The following CLVS1 variants were observed in gnomAD, a reference collection of about 807,000 sequenced individuals.
The protein encoded by CLVS1 is clavesin 1, also known as clavesin-1.
A neutral mutation model predicts 33.1 loss-of-function variants in CLVS1; 10 were observed. That is an observed-to-expected ratio of 0.30 (90% CI 0.19 to 0.51). The LOEUF is 0.51. CLVS1 is among the 20% of genes least tolerant of loss of function. The pLI is 0.97. For synonymous variants in CLVS1, 163 were observed against 166.1 expected (o/e 0.98, Z 0.14); for missense variants, 343 against 433.4 (o/e 0.79, Z 1.85).
chr8:61,443,378 T>G (rs889995120), intron 3 of CLVS1, among the ~76,000 whole-genome samples: 1 of 152,232 alleles, frequency 6.6e-6, no homozygotes, highest in African/African-American at 2.4e-5. Context: ...TTATTGCATT[T>G]AAATTCATGA....
intron 3 of CLVS1, among the ~76,000 whole-genome samples, chr8:61,451,011 A>T (rs1546110): frequency 0.071 from 10,769 of 152,248 alleles, 1,054 homozygotes; most frequent in African/African-American, 0.22. Flanking sequence ...TATGTCAAGC[A>T]GCACTGCTCC....
intron 3 of CLVS1, among the ~76,000 whole-genome samples, chr8:61,416,085 C>T (rs10098158): frequency 0.051 from 7,764 of 152,228 alleles, 285 homozygotes; most frequent in African/African-American, 0.095. Flanking sequence ...TCCTAGCCAC[C>T]TGCAGATGTG....
At chr8:61,286,138 T>C (rs553775163), upstream of CLVS1, among the ~76,000 whole-genome samples, 108 of 152,208 alleles carry the variant, frequency 7.1e-4, no homozygotes, top group African/African-American at 2.2e-3. Flanking sequence ...TCTTCTTTGT[T>C]CACAGTGGGA....
At chr8:61,338,399 C>T (rs1811883149) in intron 2 of CLVS1, among the ~76,000 whole-genome samples, 1 of 152,168 alleles carries the variant, frequency 6.6e-6, no homozygotes, top group Non-Finnish European at 1.5e-5. Context: ...CTGAAAACCT[C>T]CTTAAAACCA....
At chr8:60,997,335 T>C in the CLVS1 span, among the ~76,000 whole-genome samples, 1 of 152,192 alleles carries the variant, frequency 6.6e-6, no homozygotes, top group Non-Finnish European at 1.5e-5. Flanking sequence ...AATTAGCATC[T>C]AGAAATGACT....
rs116854531 is a variant in CLVS1 at position 61,441,284 on chromosome 8, G to A, written c.631-12857G>A. Reference sequence around the variant, plus strand: ...AGGTATGTGACTGAAGGACTCCTCCGCCCAAGCCCTGAAAGACGGTCCTCC... The same window carrying A: ...AGGTATGTGACTGAAGGACTCCTCCACCCAAGCCCTGAAAGACGGTCCTCC... On this transcript the variant is annotated intron_variant, in intron 3 of 5. Transcript: ENST00000325897. Among the ~76,000 whole-genome samples, 217 of 152,248 alleles carry A rather than the reference G, an allele frequency of 1.4e-3. 2 individuals are homozygous for A. The East Asian group carries it at 0.033, about 23-fold the overall frequency.
At chr8:61,395,819 T>G (rs907959145) in intron 3 of CLVS1, among the ~76,000 whole-genome samples, 3 of 152,154 alleles carry the variant, frequency 2.0e-5, no homozygotes, top group Non-Finnish European at 4.4e-5. Flanking sequence ...TTGTTCAACA[T>G]TACAAAGCTA....
chr8:61,354,152 A>C (rs1348476772), intron 2 of CLVS1, among the ~76,000 whole-genome samples: 1 of 152,072 alleles, frequency 6.6e-6, no homozygotes, highest in African/African-American at 2.4e-5. Context: ...AGAATTTTAC[A>C]AATATTTTAA....
At chr8:60,966,170 G>A in the CLVS1 span, 4 of 318,292 alleles carry the variant, frequency 1.3e-5, no homozygotes, top group African/African-American at 8.7e-5. Context: ...TTCTTCTAAG[G>A]TAGAGGACCT....
chr8:61,107,937 C>A (rs1805566334), intron 1 of CLVS1, among the ~76,000 whole-genome samples: 1 of 152,102 alleles, frequency 6.6e-6, no homozygotes, highest in Non-Finnish European at 1.5e-5. Context: ...GTGTTTACAT[C>A]AGGCACTATT....
the CLVS1 span, among the ~76,000 whole-genome samples, chr8:60,992,420 G>A: frequency 6.6e-6 from 1 of 152,328 alleles, no homozygotes; most frequent in East Asian, 1.9e-4. Flanking sequence ...AGGAGGAGAC[G>A]GAGTTTCCCT....
chr8:61,026,093 G>A, the CLVS1 span, among the ~76,000 whole-genome samples: 1 of 149,720 alleles, frequency 6.7e-6, no homozygotes, highest in Non-Finnish European at 1.5e-5. Flanking sequence ...CTCAGAATGA[G>A]ACTGTGTTTG....
intron 3 of CLVS1, among the ~76,000 whole-genome samples, chr8:61,445,111 A>T (rs966583525): frequency 1.3e-5 from 2 of 152,214 alleles, no homozygotes; most frequent in Non-Finnish European, 2.9e-5. Flanking sequence ...TCTATAATAT[A>T]AGTTAGCCTT....
chr8:61,149,581 CAAAAAG>C (rs201804708), intron 2 of CLVS1, among the ~76,000 whole-genome samples: 3 of 118,428 alleles, frequency 2.5e-5, no homozygotes, highest in Non-Finnish European at 3.6e-5. Context: ...AAAAACAAAA[CAAAAAG>C]AAAAAGAAAA....
intron 2 of CLVS1, among the ~76,000 whole-genome samples, chr8:61,280,177 C>A (rs570592688): frequency 6.6e-6 from 1 of 152,118 alleles, no homozygotes; most frequent in African/African-American, 2.4e-5. Flanking sequence ...AAAATGATGT[C>A]GAATTTCTGC....
At chr8:61,216,912 A>G (rs1355118339) in intron 2 of CLVS1, among the ~76,000 whole-genome samples, 1 of 152,198 alleles carries the variant, frequency 6.6e-6, no homozygotes, top group Admixed American at 6.5e-5. Flanking sequence ...CATTATACAT[A>G]TATTTTCCTT....
At chr8:61,024,851 TC>T in the CLVS1 span, among the ~76,000 whole-genome samples, 1 of 151,964 alleles carries the variant, frequency 6.6e-6, no homozygotes, top group East Asian at 1.9e-4. Flanking sequence ...TTCTTTTTTT[TC>T]TTTCTTTTTT....
intron 2 of CLVS1, among the ~76,000 whole-genome samples, chr8:61,322,131 C>T (rs185449680): frequency 2.5e-4 from 38 of 152,252 alleles, no homozygotes; most frequent in African/African-American, 8.7e-4. Context: ...CTAAACATCC[C>T]CTGGCACAGA....
At chr8:61,294,843 T>C (rs1290965443) in intron 1 of CLVS1, among the ~76,000 whole-genome samples, 2 of 152,174 alleles carry the variant, frequency 1.3e-5, no homozygotes, top group South Asian at 2.1e-4. Context: ...TCTGAAAATA[T>C]TTTTATGCTT....
Sources: gnomAD v4.1 joint callset for allele counts (sites outside exome capture counted in the v4.1 genomes callset) on GRCh38, gnomAD v4.1.1 for gene constraint, MANE v1.5 for transcripts, NCBI Gene and HGNC (gene_info 2026-07-23, HGNC 2026-07-21) for gene names.